HOMER1: variants seen among roughly 807,000 people sequenced by gnomAD.
HOMER1 encodes the protein homer protein homolog 1.
Under a neutral mutation model 48.9 loss-of-function variants are expected in HOMER1, and 3 were observed. The observed-to-expected ratio is 0.06, with a 90% CI of 0.03 to 0.16. The LOEUF (loss-of-function observed/expected upper bound fraction) is 0.16, where lower values mean the gene tolerates loss of function less well. Among genes scored for constraint, HOMER1 ranks in the 10% least tolerant of loss-of-function variants. The pLI, the probability that HOMER1 is intolerant of heterozygous loss-of-function variation, is 1.00. For synonymous variants in HOMER1, 134 were observed against 146.4 expected, an observed-to-expected ratio of 0.92 and a Z score of 0.61; for missense variants, 247 against 411.4, an observed-to-expected ratio of 0.60 and a Z score of 3.46.
At chr5:79,421,777 T>C (rs1322784700) in intron 5 of HOMER1, among the ~76,000 whole-genome samples, 1 of 151,978 alleles carries the variant, frequency 6.6e-6, no homozygotes, top group Non-Finnish European at 1.5e-5. Context: ...GCTAATTTTT[T>C]TGTATTTTTT....
At chr5:79,506,609 G>A (rs1188312077) in intron 1 of HOMER1, among the ~76,000 whole-genome samples, 1 of 152,216 alleles carries the variant, frequency 6.6e-6, no homozygotes, top group African/African-American at 2.4e-5. Context: ...CAGCAAGGCA[G>A]ACGGATCACT....
chr5:79,419,068 G>A (rs925512319), intron 5 of HOMER1, among the ~76,000 whole-genome samples: 18 of 152,112 alleles, frequency 1.2e-4, no homozygotes, highest in Admixed American at 5.9e-4. Flanking sequence ...TCAAAATGCA[G>A]AATAGTTACA....
chr5:79,377,268 T>C (rs1748797879), intron 8 of HOMER1, among the ~76,000 whole-genome samples: 1 of 152,178 alleles, frequency 6.6e-6, no homozygotes. Flanking sequence ...GCCTGGCCTA[T>C]TACTGCTTTT....
chr5:79,505,155 A>G (rs148282578), intron 1 of HOMER1, among the ~76,000 whole-genome samples: 17 of 152,298 alleles, frequency 1.1e-4, no homozygotes, highest in African/African-American at 3.8e-4. Context: ...ACTACTCCGG[A>G]GGCTGAGGCA....
chr5:79,501,750 C>T (rs1752598659), intron 1 of HOMER1, among the ~76,000 whole-genome samples: 1 of 152,266 alleles, frequency 6.6e-6, no homozygotes, highest in African/African-American at 2.4e-5. Flanking sequence ...GAATCCAGCA[C>T]ATGATCTGCC....
intron 5 of HOMER1, among the ~76,000 whole-genome samples, chr5:79,438,576 G>A (rs1750656311): frequency 6.6e-6 from 1 of 152,054 alleles, no homozygotes; most frequent in African/African-American, 2.4e-5. Flanking sequence ...CAAAGACTAT[G>A]ATAAAGCTTA....
In HOMER1 at chr5:79,433,405, T is replaced by C. The variant is rs185917751; in HGVS notation, c.527+5605A>G. The stretch of plus-strand genomic sequence containing the variant: ...TTACATGCTGAAATCCTGTCTCTAC[T>C]AAAAATACAAAAATTAGCCAGTCGT... On this transcript the variant is annotated intron_variant, in intron 5 of 8. Transcript: ENST00000334082. Among the ~76,000 whole-genome samples the C allele has an allele frequency of 4.1e-3, 626 of 152,134 alleles. 6 individuals are homozygous for C. The highest frequency in any genetic ancestry group is 0.014 in the African/African-American group (589 of 41,506).
intron 5 of HOMER1, among the ~76,000 whole-genome samples, chr5:79,426,181 A>G (rs939895411): frequency 2.6e-5 from 4 of 152,134 alleles, no homozygotes; most frequent in Admixed American, 6.6e-5. Context: ...TGGGAAAGGT[A>G]TATTAGTACA....
intron 5 of HOMER1, among the ~76,000 whole-genome samples, chr5:79,423,403 G>A (rs759639314): frequency 3.9e-5 from 6 of 152,022 alleles, no homozygotes; most frequent in Non-Finnish European, 5.9e-5. Flanking sequence ...GAAGCTATGC[G>A]GTCTCTTGTG....
intron 5 of HOMER1, among the ~76,000 whole-genome samples, chr5:79,428,862 A>G (rs1023161955): frequency 6.6e-6 from 1 of 152,202 alleles, no homozygotes; most frequent in African/African-American, 2.4e-5. Flanking sequence ...CGTGAGCTCC[A>G]AACTGATCTA....
At chr5:79,453,255 G>A (rs777843377) in intron 2 of HOMER1, among the ~76,000 whole-genome samples, 1 of 152,112 alleles carries the variant, frequency 6.6e-6, no homozygotes, top group Non-Finnish European at 1.5e-5. Context: ...TCTGAACTGG[G>A]ATCTCTGTGT....
intron 1 of HOMER1, among the ~76,000 whole-genome samples, chr5:79,478,397 TA>T (rs1450779628): frequency 6.6e-6 from 1 of 152,198 alleles, no homozygotes; most frequent in Non-Finnish European, 1.5e-5. Context: ...GTTAGAAATA[TA>T]AAATACTAGG....
rs370133120 is a variant in HOMER1 at position 79,465,815 on chromosome 5, G to A, written c.6-8797C>T. Among the ~76,000 whole-genome samples the A allele has an allele frequency of 5.9e-5, 9 of 151,874 alleles. No individual in the cohort carries two copies. In the East Asian group the frequency reaches 1.2e-3, roughly 20 times the overall value. Reference sequence around the variant, plus strand: ...TCACCGTGTTAGCCAGGATGGTCTCGATCTCCTGTCCTCGTGATCCGCCGG... The same window carrying A: ...TCACCGTGTTAGCCAGGATGGTCTCAATCTCCTGTCCTCGTGATCCGCCGG... On this transcript the variant is annotated intron_variant, in intron 1 of 8. Transcript: ENST00000334082.
intron 5 of HOMER1, among the ~76,000 whole-genome samples, chr5:79,402,656 C>G (rs928829165): frequency 1.3e-5 from 2 of 152,102 alleles, no homozygotes; most frequent in Non-Finnish European, 2.9e-5. Context: ...TCCACCCATT[C>G]TCTTTTAAGG....
At chr5:79,449,287 T>C (rs1464727998) in intron 3 of HOMER1, among the ~76,000 whole-genome samples, 1 of 152,190 alleles carries the variant, frequency 6.6e-6, no homozygotes, top group Non-Finnish European at 1.5e-5. Flanking sequence ...TTCTGAATGA[T>C]GGCAAAAGTA....
chr5:79,503,078 C>T lies in HOMER1; in HGVS notation c.5+9692G>A, dbSNP rs539798912. Among the ~76,000 whole-genome samples, 6 of 152,236 alleles carry T rather than the reference C, an allele frequency of 3.9e-5. No individual in the cohort carries two copies. In the East Asian group the frequency reaches 5.8e-4, roughly 15 times the overall value. On this transcript the variant is annotated intron_variant, in intron 1 of 8. Coordinates refer to ENST00000334082, the MANE Select transcript of HOMER1 (RefSeq NM_004272.5). Reference sequence around the variant, plus strand: ...CTGGGATTACAGGCGTGAGCCACTGCGCCCAGCCTGCATGTAACTTTTAAC... The same window carrying T: ...CTGGGATTACAGGCGTGAGCCACTGTGCCCAGCCTGCATGTAACTTTTAAC...
chr5:79,390,777 C>G (rs1223689624), intron 8 of HOMER1, among the ~76,000 whole-genome samples: 1 of 151,918 alleles, frequency 6.6e-6, no homozygotes, highest in Non-Finnish European at 1.5e-5. Context: ...ATAACTAAAT[C>G]AAAAGATTAA....
At chr5:79,465,993 A>T (rs1337821055) in intron 1 of HOMER1, among the ~76,000 whole-genome samples, 8 of 152,130 alleles carry the variant, frequency 5.3e-5, no homozygotes, top group Admixed American at 5.2e-4. Context: ...CACTTTAATA[A>T]GTAGCTATAA....
intron 8 of HOMER1, among the ~76,000 whole-genome samples, chr5:79,387,649 A>G (rs931836898): frequency 2.0e-5 from 3 of 152,180 alleles, no homozygotes; most frequent in Admixed American, 6.6e-5. Context: ...CAACAATTAC[A>G]TTTTCTATGT....
Sources: allele counts gnomAD v4.1 joint callset (sites outside exome capture counted in the v4.1 genomes callset), GRCh38; gene constraint gnomAD v4.1.1; transcripts MANE v1.5; gene names NCBI Gene and HGNC (gene_info 2026-07-23, HGNC 2026-07-21).